Variants in CYP2C19 observed in about 807,000 individuals in gnomAD.
CYP2C19 encodes cytochrome P450 2C19.
A neutral mutation model predicts 40.9 loss-of-function variants in CYP2C19; 59 were observed. The observed-to-expected ratio is 1.44, with a 90% CI of 1.17 to 1.79. The LOEUF (loss-of-function observed/expected upper bound fraction) is 1.79. Ranked by LOEUF, CYP2C19 falls within the 40% of genes most tolerant of loss-of-function variation. The pLI, the probability that CYP2C19 is intolerant of heterozygous loss-of-function variation, is 0.00. For missense variants in CYP2C19, 754 were observed against 596.9 expected (o/e 1.26, Z -2.74); for synonymous variants, 253 against 208.7 (o/e 1.21, Z -1.83).
At chr10:94,804,848 G>A (rs1848812385) in intron 5 of CYP2C19, among the ~76,000 whole-genome samples, 1 of 152,126 alleles carries the variant, frequency 6.6e-6, no homozygotes, top group Non-Finnish European at 1.5e-5. Context: ...CATGCTAATT[G>A]CCTCTAATCT....
intron 5 of CYP2C19, among the ~76,000 whole-genome samples, chr10:94,811,685 G>T (rs549063248): frequency 7.2e-4 from 109 of 152,046 alleles, no homozygotes; most frequent in African/African-American, 2.5e-3. Context: ...TTTTATCAGA[G>T]ACTAGGATTG....
At position 94,849,332 on chromosome 10, in the gene CYP2C19, TA is replaced by T. The variant is rs201056426; in HGVS notation, c.1150-584del. ...GTTGTGGGCATTTTATTTATTTATTTATTTATTTTTTTCATCAGCAGATTTT... is the reference window on the plus strand; with the variant it reads ...GTTGTGGGCATTTTATTTATTTATTTTTTATTTTTTTCATCAGCAGATTTT... On this transcript the variant is annotated intron_variant, in intron 7 of 8. Transcript: ENST00000371321. 4.7e-4 allele frequency among the ~76,000 whole-genome samples: 71 copies of T among 152,024 alleles called. No homozygotes were observed. The East Asian group carries it at 0.012, about 26-fold the overall frequency.
chr10:94,767,344 G>A (rs1022101599), intron 1 of CYP2C19, among the ~76,000 whole-genome samples: 2 of 152,142 alleles, frequency 1.3e-5, no homozygotes, highest in East Asian at 1.9e-4. Context: ...GGCTTTAAAA[G>A]CCAGACCATT....
At chr10:94,805,643 G>T (rs150843953) in intron 5 of CYP2C19, among the ~76,000 whole-genome samples, 1 of 152,092 alleles carries the variant, frequency 6.6e-6, no homozygotes, top group Admixed American at 6.6e-5. Context: ...CAGCACTTTG[G>T]GAGGTTGAGG....
intron 1 of CYP2C19, chr10:94,774,288 A>G (rs1213706376): frequency 1.3e-5 from 2 of 152,168 alleles, no homozygotes; most frequent in African/African-American, 4.8e-5. Flanking sequence ...AGCCATGATA[A>G]TAAGTGACAT....
chr10:94,792,102 C>T (rs528111956), intron 5 of CYP2C19, among the ~76,000 whole-genome samples: 18 of 152,144 alleles, frequency 1.2e-4, no homozygotes, highest in African/African-American at 3.9e-4. Flanking sequence ...GAATTGATCC[C>T]TTTACCATTA....
rs199556059 is a variant in CYP2C19, at chr10:94,782,001, A to T, written c.819+4A>T. 7.2e-6 allele frequency: 11 copies of T among 1,534,360 alleles called. No homozygotes were observed. The highest frequency in any genetic ancestry group is 9.6e-6 in the Non-Finnish European group (11 of 1,149,450). On this transcript the variant is annotated splice_donor_region_variant and intron_variant, in intron 5 of 8. Coordinates refer to ENST00000371321, the MANE Select transcript of CYP2C19 (RefSeq NM_000769.4). ...CTTCCTGATCAAAATGGAGAAGGTA[A>T]AATGTTAACAAAAGCTTAGTTATGT... is the stretch of plus-strand genomic sequence containing the variant.
At chr10:94,816,200 A>G (rs1277024879) in intron 5 of CYP2C19, among the ~76,000 whole-genome samples, 1 of 151,634 alleles carries the variant, frequency 6.6e-6, no homozygotes, top group East Asian at 1.9e-4. Flanking sequence ...AGTTTGGGCC[A>G]GTTGGTCTAC....
chr10:94,841,035 C>A (rs1350838563), intron 6 of CYP2C19, among the ~76,000 whole-genome samples: 1 of 152,218 alleles, frequency 6.6e-6, no homozygotes, highest in Non-Finnish European at 1.5e-5. Flanking sequence ...GCTCACAGAG[C>A]TCCCAAGATG....
At chr10:94,791,454 T>C (rs1848604320) in intron 5 of CYP2C19, among the ~76,000 whole-genome samples, 1 of 152,122 alleles carries the variant, frequency 6.6e-6, no homozygotes, top group South Asian at 2.1e-4. Flanking sequence ...TTAATTGTGA[T>C]GTTAGGGTGT....
At chr10:94,836,069 A>G (rs1479918120) in intron 6 of CYP2C19, among the ~76,000 whole-genome samples, 1 of 152,218 alleles carries the variant, frequency 6.6e-6, no homozygotes, top group Non-Finnish European at 1.5e-5. Context: ...TTTGGAAGAA[A>G]TGTGGCTCAG....
At chr10:94,839,834 C>A (rs1174112946) in intron 6 of CYP2C19, among the ~76,000 whole-genome samples, 1 of 152,134 alleles carries the variant, frequency 6.6e-6, no homozygotes, top group Non-Finnish European at 1.5e-5. Context: ...TATGTCTGGT[C>A]GGACTGTTGT....
chr10:94,782,899 A>G (rs904896521), intron 5 of CYP2C19, among the ~76,000 whole-genome samples: 2 of 152,134 alleles, frequency 1.3e-5, no homozygotes, highest in African/African-American at 4.8e-5. Flanking sequence ...CATAAGTGGC[A>G]GTTGAACAAT....
chr10:94,841,538 T>C (rs572434515), intron 6 of CYP2C19, among the ~76,000 whole-genome samples: 6 of 152,222 alleles, frequency 3.9e-5, no homozygotes. Flanking sequence ...TGCCCTTTGG[T>C]TTTCATTTGC....
At chr10:94,799,168 T>A (rs1231406280) in intron 5 of CYP2C19, among the ~76,000 whole-genome samples, 1 of 152,112 alleles carries the variant, frequency 6.6e-6, no homozygotes, top group Non-Finnish European at 1.5e-5. Context: ...GTTTAGTGCT[T>A]CCTTCAGGAG....
At chr10:94,823,846 C>A (rs1589368358) in intron 6 of CYP2C19, among the ~76,000 whole-genome samples, 1 of 152,114 alleles carries the variant, frequency 6.6e-6, no homozygotes, top group South Asian at 2.1e-4. Flanking sequence ...TATAGAAAGT[C>A]CTGAGCTCCA....
intron 5 of CYP2C19, among the ~76,000 whole-genome samples, chr10:94,788,617 TGTTA>T (rs1301860608): frequency 4.6e-5 from 7 of 152,228 alleles, no homozygotes; most frequent in Non-Finnish European, 7.4e-5. Flanking sequence ...TCTGTTCTTG[TGTTA>T]GTTTGCTGAG....
chr10:94,835,659 C>A (rs1416251808), intron 6 of CYP2C19, among the ~76,000 whole-genome samples: 1 of 152,108 alleles, frequency 6.6e-6, no homozygotes, highest in African/African-American at 2.4e-5. Flanking sequence ...CAATAATAAT[C>A]TCCTAACGGC....
intron 6 of CYP2C19, among the ~76,000 whole-genome samples, chr10:94,833,244 C>T (rs1042029006): frequency 9.9e-5 from 15 of 152,010 alleles, no homozygotes; most frequent in African/African-American, 2.7e-4. Context: ...TGTGGATAGC[C>T]TTTATATCTT....
Sources: gnomAD v4.1 joint callset for allele counts (sites outside exome capture counted in the v4.1 genomes callset) on GRCh38, gnomAD v4.1.1 for gene constraint, MANE v1.5 for transcripts, NCBI Gene and HGNC (gene_info 2026-07-23, HGNC 2026-07-21) for gene names.